Variants in LHFPL2 observed in about 807,000 individuals in gnomAD.
LHFPL2 encodes the protein LHFPL tetraspan subfamily member 2.
In LHFPL2, 7 loss-of-function variants were observed where a neutral mutation model predicts 17.5. That is an observed-to-expected ratio of 0.40 (90% confidence interval 0.23 to 0.75). The LOEUF (loss-of-function observed/expected upper bound fraction) is 0.75, where lower values mean the gene tolerates loss of function less well. Among genes scored for constraint, LHFPL2 ranks in the 30% least tolerant of loss-of-function variants. The pLI, the probability that LHFPL2 is intolerant of heterozygous loss-of-function variation, is 0.37. For missense variants in LHFPL2, 241 were observed against 294.8 expected, an observed-to-expected ratio of 0.82 and a Z score of 1.34; for synonymous variants, 134 against 116.2, an observed-to-expected ratio of 1.15 and a Z score of -0.99.
At chr5:78,521,866 G>A (rs567965751) in intron 3 of LHFPL2, among the ~76,000 whole-genome samples, 33 of 152,260 alleles carry the variant, frequency 2.2e-4, no homozygotes, top group African/African-American at 7.0e-4. Context: ...TTGTGATATG[G>A]GCAGGAATGA....
chr5:78,525,578 T>G (rs1179199619), intron 3 of LHFPL2, among the ~76,000 whole-genome samples: 1 of 152,190 alleles, frequency 6.6e-6, no homozygotes, highest in Non-Finnish European at 1.5e-5. Flanking sequence ...GGCCACTTAT[T>G]AACACTCACC....
chr5:78,492,669 G>A (rs2112289623), intron 4 of LHFPL2, among the ~76,000 whole-genome samples: 1 of 152,314 alleles, frequency 6.6e-6, no homozygotes, highest in South Asian at 2.1e-4. Flanking sequence ...AATAAGTAAA[G>A]CAGGGAGACT....
chr5:78,513,244 A>G (rs1435268251), intron 3 of LHFPL2, among the ~76,000 whole-genome samples: 1 of 152,236 alleles, frequency 6.6e-6, no homozygotes, highest in African/African-American at 2.4e-5. Flanking sequence ...AAAGTTCAGG[A>G]CAGGAGAAGA....
At chr5:78,642,034 G>C (rs1011268097) in intron 1 of LHFPL2, 3 of 152,170 alleles carry the variant, frequency 2.0e-5, no homozygotes, top group Admixed American at 6.6e-5. Flanking sequence ...GGAAGTCCAA[G>C]ATTAAGGTGC....
At chr5:78,501,049 C>T (rs1754757466) in intron 4 of LHFPL2, among the ~76,000 whole-genome samples, 1 of 152,126 alleles carries the variant, frequency 6.6e-6, no homozygotes, top group Non-Finnish European at 1.5e-5. Flanking sequence ...ATTCTGAACA[C>T]TAGAGGTATA....
At chr5:78,621,098 A>G (rs751281402) in intron 2 of LHFPL2, among the ~76,000 whole-genome samples, 13 of 151,634 alleles carry the variant, frequency 8.6e-5, no homozygotes, top group Non-Finnish European at 1.8e-4. Context: ...ACCATCCTTT[A>G]ACTGAATCCT....
intron 2 of LHFPL2, among the ~76,000 whole-genome samples, chr5:78,600,712 G>C (rs893959818): frequency 2.0e-5 from 3 of 152,174 alleles, no homozygotes; most frequent in Admixed American, 6.5e-5. Context: ...TGGGCAACAA[G>C]AGCGAAACTC....
intron 4 of LHFPL2, among the ~76,000 whole-genome samples, chr5:78,492,856 A>G (rs1485959720): frequency 6.6e-6 from 1 of 152,200 alleles, no homozygotes; most frequent in Non-Finnish European, 1.5e-5. Flanking sequence ...CTGGGCAGCC[A>G]GCCCCGACAA....
intron 3 of LHFPL2, among the ~76,000 whole-genome samples, chr5:78,523,345 C>T (rs1158376989): frequency 6.6e-6 from 1 of 152,092 alleles, no homozygotes; most frequent in Non-Finnish European, 1.5e-5. Flanking sequence ...ACTAGAATGA[C>T]CCTTAACTAC....
chr5:78,581,641 C>A (rs1474505728), intron 2 of LHFPL2, among the ~76,000 whole-genome samples: 10 of 152,096 alleles, frequency 6.6e-5, no homozygotes, highest in Non-Finnish European at 1.5e-4. Context: ...GGATGAAGCC[C>A]ACTTGATCAT....
At chr5:78,572,995 G>T (rs1046199712) in intron 2 of LHFPL2, among the ~76,000 whole-genome samples, 10 of 152,178 alleles carry the variant, frequency 6.6e-5, no homozygotes, top group African/African-American at 2.4e-4. Context: ...CTGACAGAAG[G>T]TGGAGCTCAG....
intron 2 of LHFPL2, among the ~76,000 whole-genome samples, chr5:78,568,470 T>C (rs1756915488): frequency 6.6e-6 from 1 of 152,164 alleles, no homozygotes; most frequent in South Asian, 2.1e-4. Flanking sequence ...TTTATTGAAT[T>C]GAATTGCCAA....
intron 3 of LHFPL2, among the ~76,000 whole-genome samples, chr5:78,525,905 T>C (rs1755609688): frequency 6.6e-6 from 1 of 152,070 alleles, no homozygotes; most frequent in African/African-American, 2.4e-5. Context: ...ACCAAGGAAG[T>C]AGGAAAGTGT....
intron 4 of LHFPL2, chr5:78,494,498 C>T (rs1354509570): frequency 1.0e-6 from 1 of 985,288 alleles, no homozygotes; most frequent in Admixed American, 6.1e-5. Context: ...TTAGCATCTG[C>T]TGGCAATGGG....
intron 2 of LHFPL2, among the ~76,000 whole-genome samples, chr5:78,602,554 C>T (rs182776687): frequency 1.4e-4 from 21 of 152,304 alleles, no homozygotes; most frequent in East Asian, 1.2e-3. Context: ...AGAACAAACA[C>T]CTCCCATAGG....
At chr5:78,504,216 C>A (rs1754863907) in intron 4 of LHFPL2, among the ~76,000 whole-genome samples, 1 of 152,184 alleles carries the variant, frequency 6.6e-6, no homozygotes, top group South Asian at 2.1e-4. Context: ...TCACCAGGAA[C>A]AAAAGGAAGG....
chr5:78,602,805 G>A (rs750785526), intron 2 of LHFPL2, among the ~76,000 whole-genome samples: 6 of 152,206 alleles, frequency 3.9e-5, no homozygotes, highest in South Asian at 2.1e-4. Flanking sequence ...CTTATGAGCC[G>A]GGCCCATGCA....
intron 3 of LHFPL2, among the ~76,000 whole-genome samples, chr5:78,549,885 T>C (rs1756391221): frequency 1.3e-5 from 2 of 152,182 alleles, no homozygotes; most frequent in Non-Finnish European, 2.9e-5. Context: ...ACAGTGCAGC[T>C]CTCCAGTAAT....
At chr5:78,576,903 T>A (rs1169684964) in intron 2 of LHFPL2, among the ~76,000 whole-genome samples, 10 of 152,210 alleles carry the variant, frequency 6.6e-5, no homozygotes, top group Admixed American at 6.5e-4. Flanking sequence ...ATTTTATAGA[T>A]CATTTAAAGC....
Sources: allele counts gnomAD v4.1 joint callset (sites outside exome capture counted in the v4.1 genomes callset), GRCh38; gene constraint gnomAD v4.1.1; transcripts MANE v1.5; gene names NCBI Gene and HGNC (gene_info 2026-07-23, HGNC 2026-07-21).